Variants in TBC1D1 observed in about 807,000 individuals in gnomAD.
TBC1D1 encodes TBC1 (tre-2/USP6, BUB2, cdc16) domain family, member 1.
Under a neutral mutation model 125.6 loss-of-function variants are expected in TBC1D1, and 89 were observed. That is an observed-to-expected ratio of 0.71 (90% CI 0.60 to 0.85). The LOEUF is 0.85. Among genes scored for constraint, TBC1D1 ranks in the 40% least tolerant of loss-of-function variants. The probability of loss-of-function intolerance (pLI) is 0.00; values close to 1 mark genes in which losing one functional copy is unlikely to be tolerated. For missense variants in TBC1D1, 1,377 were observed against 1,469.2 expected (o/e 0.94, Z 1.03); for synonymous variants, 565 against 564.1 (o/e 1.00, Z -0.02).
At chr4:38,026,794 T>C (rs1179090316) in intron 6 of TBC1D1, among the ~76,000 whole-genome samples, 2 of 152,230 alleles carry the variant, frequency 1.3e-5, no homozygotes, top group Non-Finnish European at 2.9e-5. Flanking sequence ...CGGGTTCTAA[T>C]GGGTACTAAA....
intron 2 of TBC1D1, among the ~76,000 whole-genome samples, chr4:37,940,024 A>G (rs1725213561): frequency 6.6e-6 from 1 of 152,172 alleles, no homozygotes; most frequent in Non-Finnish European, 1.5e-5. Context: ...TTGGTTCCAT[A>G]TGAACTTTAA....
chr4:38,041,860 T>C (rs1284040932), intron 8 of TBC1D1, among the ~76,000 whole-genome samples: 1 of 152,152 alleles, frequency 6.6e-6, no homozygotes, highest in Non-Finnish European at 1.5e-5. Flanking sequence ...TTCAAAGATG[T>C]CTGCAGTGGT....
intron 2 of TBC1D1, among the ~76,000 whole-genome samples, chr4:37,965,080 A>C (rs189432661): frequency 2.0e-4 from 30 of 152,346 alleles, no homozygotes; most frequent in Admixed American, 1.9e-3. Flanking sequence ...TTGGTGAATT[A>C]TTTTACTTTC....
rs1014237179 is a variant in TBC1D1, at chr4:37,971,677, C to CTA, written c.418-42820_418-42819dup. Among the ~76,000 whole-genome samples the CTA allele has an allele frequency of 3.1e-3, 473 of 151,830 alleles. 3 individuals are homozygous for CTA. Among genetic ancestry groups the CTA allele is most frequent in the African/African-American group, 0.01 (432 of 41,400 alleles). On this transcript the variant is annotated intron_variant, in intron 2 of 19. Coordinates refer to ENST00000261439, the MANE Select transcript of TBC1D1 (RefSeq NM_015173.4). ...TAGCCTATTGCTTTCCACAGAGCAACTATATATATATATTTTAAAGTAAAG... is the reference window on the plus strand; with the variant it reads ...TAGCCTATTGCTTTCCACAGAGCAACTATATATATATATATTTTAAAGTAAAG...
chr4:37,930,201 C>T (rs1408359684), intron 2 of TBC1D1, among the ~76,000 whole-genome samples: 1 of 152,126 alleles, frequency 6.6e-6, no homozygotes, highest in African/African-American at 2.4e-5. Context: ...TGTAAAAACA[C>T]GAGTGAATTC....
chr4:38,074,395 A>G (rs1163574365), intron 12 of TBC1D1, among the ~76,000 whole-genome samples: 1 of 152,214 alleles, frequency 6.6e-6, no homozygotes, highest in East Asian at 1.9e-4. Context: ...CGACGAGTGC[A>G]GTGAGGTGAA....
At chr4:38,016,051 G>A (rs958846413) in intron 3 of TBC1D1, among the ~76,000 whole-genome samples, 3 of 152,172 alleles carry the variant, frequency 2.0e-5, no homozygotes, top group African/African-American at 7.2e-5. Flanking sequence ...CTGTGCTAAC[G>A]TCCCTTGCCA....
chr4:38,135,166 T>TG (rs545998998), intron 19 of TBC1D1, among the ~76,000 whole-genome samples: 5 of 152,294 alleles, frequency 3.3e-5, no homozygotes, highest in East Asian at 1.9e-4. Context: ...ATAGCTTTTC[T>TG]GGGGGGGCCA....
intron 12 of TBC1D1, among the ~76,000 whole-genome samples, chr4:38,082,562 C>T (rs1339628017): frequency 6.6e-6 from 1 of 152,230 alleles, no homozygotes; most frequent in South Asian, 2.1e-4. Flanking sequence ...CTTCCCCTTG[C>T]AGATGCAAAA....
chr4:38,081,076 G>T (rs1756456055), intron 12 of TBC1D1, among the ~76,000 whole-genome samples: 1 of 152,118 alleles, frequency 6.6e-6, no homozygotes, highest in Admixed American at 6.5e-5. Flanking sequence ...GGCTCCCGGG[G>T]CCTGCTTGTT....
intron 1 of TBC1D1, among the ~76,000 whole-genome samples, chr4:37,894,610 T>A (rs59938895): frequency 0.066 from 10,049 of 152,244 alleles, 531 homozygotes; most frequent in East Asian, 0.23. Context: ...AGGTAAGCCC[T>A]ATAGGTTTGT....
chr4:37,965,459 T>G (rs778266245), intron 2 of TBC1D1, among the ~76,000 whole-genome samples: 15 of 152,350 alleles, frequency 9.8e-5, no homozygotes, highest in Non-Finnish European at 1.3e-4. Context: ...ACATCTGGCA[T>G]GCAGTAAGTA....
At chr4:38,105,924 G>A (rs1243841910) in intron 15 of TBC1D1, among the ~76,000 whole-genome samples, 2 of 152,172 alleles carry the variant, frequency 1.3e-5, no homozygotes, top group African/African-American at 4.8e-5. Context: ...CTTTTTGGTA[G>A]GATGATTTAT....
At chr4:37,922,107 C>T (rs1721134102) in intron 2 of TBC1D1, among the ~76,000 whole-genome samples, 1 of 152,104 alleles carries the variant, frequency 6.6e-6, no homozygotes, top group Non-Finnish European at 1.5e-5. Flanking sequence ...TTTTACCTCC[C>T]CTGTCTGCTG....
intron 12 of TBC1D1, among the ~76,000 whole-genome samples, chr4:38,083,316 T>G (rs1756901129): frequency 6.6e-6 from 1 of 152,262 alleles, no homozygotes; most frequent in African/African-American, 2.4e-5. Flanking sequence ...TCAGCCAGCC[T>G]TGTCTTCTAT....
intron 2 of TBC1D1, among the ~76,000 whole-genome samples, chr4:38,012,897 A>G (rs571985465): frequency 6.6e-5 from 10 of 152,014 alleles, no homozygotes; most frequent in African/African-American, 2.4e-4. Flanking sequence ...AGGTTCAAGC[A>G]ATTCTCCTGC....
chr4:37,970,944 C>CG (rs1731891879), intron 2 of TBC1D1, among the ~76,000 whole-genome samples: 1 of 152,042 alleles, frequency 6.6e-6, no homozygotes, highest in South Asian at 2.1e-4. Flanking sequence ...CTCACTGGCC[C>CG]CCCCCACTAG....
intron 17 of TBC1D1, chr4:38,120,011 T>C (rs1403684551): frequency 2.0e-6 from 2 of 985,296 alleles, no homozygotes; most frequent in Non-Finnish European, 2.4e-6. Flanking sequence ...ACAAGCAGAC[T>C]CCACTTTGGA....
chr4:38,095,442 G>A (rs1350682354), intron 13 of TBC1D1, among the ~76,000 whole-genome samples: 2 of 152,174 alleles, frequency 1.3e-5, no homozygotes, highest in Non-Finnish European at 2.9e-5. Flanking sequence ...GATTTATTCA[G>A]TTTAACTCCA....
Sources: gnomAD v4.1 joint callset for allele counts (sites outside exome capture counted in the v4.1 genomes callset) on GRCh38, gnomAD v4.1.1 for gene constraint, MANE v1.5 for transcripts, NCBI Gene and HGNC (gene_info 2026-07-23, HGNC 2026-07-21) for gene names.